PDE5A: variants seen among roughly 807,000 people sequenced by gnomAD.
PDE5A encodes phosphodiesterase 5A.
In PDE5A, 67 loss-of-function variants were observed where a neutral mutation model predicts 110.2. The ratio of observed to expected loss-of-function variants is 0.61; its 90% confidence interval spans 0.50 to 0.75. The LOEUF is 0.75. PDE5A is among the 30% of genes least tolerant of loss of function. The probability of loss-of-function intolerance (pLI) is 0.00; values close to 1 mark genes in which losing one functional copy is unlikely to be tolerated. For missense variants in PDE5A, 862 were observed against 1,045.1 expected, an observed-to-expected ratio of 0.82 and a Z score of 2.42; for synonymous variants, 328 against 351.2, an observed-to-expected ratio of 0.93 and a Z score of 0.74.
intron 3 of PDE5A, among the ~76,000 whole-genome samples, chr4:119,577,615 C>T (rs1020208400): frequency 3.9e-5 from 6 of 151,954 alleles, no homozygotes; most frequent in Non-Finnish European, 5.9e-5. Context: ...ATGCAGAAAA[C>T]GCCTTTGACA....
chr4:119,510,132 T>A (rs1386363421), intron 15 of PDE5A, among the ~76,000 whole-genome samples: 1 of 151,990 alleles, frequency 6.6e-6, no homozygotes, highest in African/African-American at 2.4e-5. Flanking sequence ...AACCTGAAAC[T>A]TTAAATCATG....
intron 2 of PDE5A, among the ~76,000 whole-genome samples, chr4:119,598,632 A>C (rs1729234508): frequency 6.6e-6 from 1 of 152,180 alleles, no homozygotes; most frequent in Non-Finnish European, 1.5e-5. Flanking sequence ...GACTAGACAA[A>C]ATACAAGACA....
Position 119,496,817 on chromosome 4 carries a change from T to C in PDE5A, c.*1784A>G, listed in dbSNP as rs1172356484. 6.6e-6 allele frequency: 1 copy of C among 152,448 alleles called. No homozygotes were observed. The highest frequency in any genetic ancestry group is 1.9e-4 in the East Asian group (1 of 5,182). The allele number at this position is 152,448 out of a possible 1,614,324, so 9.4% of individuals were successfully genotyped here. A position where few individuals can be genotyped will look rare whatever the true frequency, so the allele number is the denominator to read the frequency against. ...GGCAACCTTACAAATTTTATCTGTATGGCAAAAAAAATAAAATATCCTGAA... is the reference window on the plus strand; with the variant it reads ...GGCAACCTTACAAATTTTATCTGTACGGCAAAAAAAATAAAATATCCTGAA... On this transcript the variant is annotated 3_prime_UTR_variant, in exon 21 of 21. Coordinates refer to ENST00000354960, the MANE Select transcript of PDE5A (RefSeq NM_001083.4).
chr4:119,621,714 G>A (rs1221452378), intron 1 of PDE5A, among the ~76,000 whole-genome samples: 1 of 152,150 alleles, frequency 6.6e-6, no homozygotes, highest in Non-Finnish European at 1.5e-5. Context: ...TATTTGATTA[G>A]CTAAATTCAC....
At chr4:119,583,674 A>AT (rs1254556578) in intron 3 of PDE5A, among the ~76,000 whole-genome samples, 1 of 152,208 alleles carries the variant, frequency 6.6e-6, no homozygotes, top group Non-Finnish European at 1.5e-5. Context: ...CAACTGGCTT[A>AT]ATTATAATAC....
At chr4:119,585,041 C>T (rs749964366) in intron 3 of PDE5A, among the ~76,000 whole-genome samples, 18 of 152,048 alleles carry the variant, frequency 1.2e-4, no homozygotes, top group Non-Finnish European at 2.6e-4. Flanking sequence ...TTTGGGAGGC[C>T]GAGGTGGGCG....
At chr4:119,545,200 A>G (rs58735454) in intron 9 of PDE5A, among the ~76,000 whole-genome samples, 5,510 of 152,268 alleles carry the variant, frequency 0.036, 115 homozygotes, top group South Asian at 0.068. Flanking sequence ...ATACCCATGT[A>G]AAAACAAAAA....
chr4:119,596,476 A>C, intron 3 of PDE5A, 47 bp downstream of exon 3: 1 of 1,085,388 alleles, frequency 9.2e-7, no homozygotes, highest in Non-Finnish European at 1.4e-6. Context: ...TTTTTCAAAA[A>C]GAAAAATATT....
chr4:119,603,100 T>C lies in PDE5A; in HGVS notation c.741+3609A>G, dbSNP rs187191917. Among the ~76,000 whole-genome samples the C allele has an allele frequency of 1.6e-3, 244 of 152,348 alleles. 2 individuals carry two copies. The highest frequency in any genetic ancestry group is 3.7e-3 in the Admixed American group (56 of 15,304). On this transcript the variant is annotated intron_variant, in intron 2 of 20. Coordinates refer to ENST00000354960, the MANE Select transcript of PDE5A (RefSeq NM_001083.4). ...GTAGTTATTGGATGTTATCTGGTTT[T>C]CCTATAAAAGGAAAATACCAAGCAC...
intron 2 of PDE5A, among the ~76,000 whole-genome samples, chr4:119,606,359 G>A (rs1277279235): frequency 1.3e-5 from 2 of 151,872 alleles, no homozygotes; most frequent in African/African-American, 4.8e-5. Context: ...AATCCTAAGA[G>A]GTTCATGTGG....
chr4:119,501,701 AT>A (rs1340792045), intron 19 of PDE5A, among the ~76,000 whole-genome samples: 1 of 152,172 alleles, frequency 6.6e-6, no homozygotes, highest in East Asian at 1.9e-4. Flanking sequence ...GAAAACTCTT[AT>A]GTTTTATTTC....
chr4:119,539,094 A>G, intron 10 of PDE5A, 75 bp from the exon 11 acceptor site: 2 of 1,099,908 alleles, frequency 1.8e-6, no homozygotes, highest in Non-Finnish European at 2.8e-6. Flanking sequence ...CAAGCTTGGA[A>G]TTCTGCTAAG....
intron 14 of PDE5A, among the ~76,000 whole-genome samples, chr4:119,511,921 C>T (rs1725757843): frequency 6.6e-6 from 1 of 152,100 alleles, no homozygotes; most frequent in Non-Finnish European, 1.5e-5. Flanking sequence ...CATGACCCTT[C>T]ACACGTGAAT....
At chr4:119,503,230 C>G (rs985162632) in intron 18 of PDE5A, among the ~76,000 whole-genome samples, 14 of 152,134 alleles carry the variant, frequency 9.2e-5, no homozygotes, top group African/African-American at 3.4e-4. Context: ...CAACAGCAGG[C>G]TGTCAACAAT....
At chr4:119,563,866 C>G (rs1373238240) in intron 5 of PDE5A, among the ~76,000 whole-genome samples, 1 of 151,910 alleles carries the variant, frequency 6.6e-6, no homozygotes, top group Non-Finnish European at 1.5e-5. Flanking sequence ...CAGTTAAAGT[C>G]AATGGAAGGT....
In PDE5A at chr4:119,596,532, A is replaced by G. The variant is rs144600278; in HGVS notation, c.822T>C (p.His274=). The G allele has an allele frequency of 3.8e-4, 606 of 1,580,684 alleles. 2 individuals carry two copies. Among genetic ancestry groups the G allele is most frequent in the South Asian group, 2.5e-3 (211 of 84,484 alleles). The change falls in exon 3 of 21, where the codon CAT becomes CAC. Residue 274 remains histidine, a synonymous_variant. Coordinates refer to ENST00000354960, the MANE Select transcript of PDE5A (RefSeq NM_001083.4). ...QSILCMPIKN[H]REEVVGVAQA... ...TGGAAAATTGGCTTACCTCTTCCCT[A>G]TGATTCTTAATTGGCATACAAAGAA...
intron 7 of PDE5A, among the ~76,000 whole-genome samples, chr4:119,559,953 T>C (rs1391712176): frequency 1.3e-5 from 2 of 152,182 alleles, no homozygotes; most frequent in East Asian, 1.9e-4. Flanking sequence ...CTGAGTCAAA[T>C]GAATTCCCCA....
chr4:119,593,429 C>G (rs775664899), intron 3 of PDE5A, among the ~76,000 whole-genome samples: 1 of 152,188 alleles, frequency 6.6e-6, no homozygotes, highest in Non-Finnish European at 1.5e-5. Flanking sequence ...ATACATCCAA[C>G]AGTAGGGCTG....
chr4:119,505,210 C>G (rs771003269), intron 17 of PDE5A, among the ~76,000 whole-genome samples: 1 of 151,872 alleles, frequency 6.6e-6, no homozygotes, highest in Non-Finnish European at 1.5e-5. Context: ...TGATTTAATT[C>G]TCTACATTGA....
Sources: gnomAD v4.1 joint callset for allele counts (sites outside exome capture counted in the v4.1 genomes callset) on GRCh38, gnomAD v4.1.1 for gene constraint, MANE v1.5 for transcripts, NCBI Gene and HGNC (gene_info 2026-07-23, HGNC 2026-07-21) for gene names.